LAMA2: variants seen among roughly 807,000 people sequenced by gnomAD.
The protein encoded by LAMA2 is laminin subunit alpha 2.
LAMA2 carries 269 observed loss-of-function variants against 364.8 expected under a neutral mutation model. That is an observed-to-expected ratio of 0.74 (90% CI 0.67 to 0.82). LAMA2 has a LOEUF of 0.82. Among genes scored for constraint, LAMA2 ranks in the 40% least tolerant of loss-of-function variants. LAMA2 has a pLI of 0.00. For missense variants in LAMA2, 3,807 were observed against 3,873.2 expected (o/e 0.98, Z 0.45); for synonymous variants, 1,379 against 1,370.6 (o/e 1.01, Z -0.14).
intron 1 of LAMA2, among the ~76,000 whole-genome samples, chr6:128,975,243 A>G (rs1782453822): frequency 6.6e-6 from 1 of 152,218 alleles, no homozygotes; most frequent in Admixed American, 6.5e-5. Context: ...ACCATATGGC[A>G]GAAAAACAAC....
chr6:129,174,591 G>C (rs1780446078), intron 9 of LAMA2, among the ~76,000 whole-genome samples: 1 of 152,010 alleles, frequency 6.6e-6, no homozygotes, highest in Non-Finnish European at 1.5e-5. Flanking sequence ...GAAGTTATGT[G>C]ATAATGACCT....
chr6:129,163,583 A>G (rs1171811215), intron 8 of LAMA2, among the ~76,000 whole-genome samples: 1 of 152,210 alleles, frequency 6.6e-6, no homozygotes, highest in African/African-American at 2.4e-5. Context: ...CAGTGGGTCA[A>G]GCTTGCACCA....
intron 40 of LAMA2, among the ~76,000 whole-genome samples, chr6:129,410,714 T>TTAGATAGA (rs36203052): frequency 0.021 from 3,136 of 150,374 alleles, 31 homozygotes; most frequent in Middle Eastern, 0.024. Context: ...GATAGACAGA[T>TTAGATAGA]TAGATAGATA....
intron 29 of LAMA2, among the ~76,000 whole-genome samples, chr6:129,341,546 T>G (rs1214464523): frequency 6.6e-6 from 1 of 152,206 alleles, no homozygotes; most frequent in Non-Finnish European, 1.5e-5. Context: ...TCAGGTGGTT[T>G]TTTTAAATTA....
intron 12 of LAMA2, among the ~76,000 whole-genome samples, chr6:129,241,169 G>A (rs1785374260): frequency 6.6e-6 from 1 of 152,150 alleles, no homozygotes; most frequent in Admixed American, 6.6e-5. Flanking sequence ...TTCTCTATGT[G>A]TAATACATTG....
At chr6:129,222,225 A>C (rs1783903673) in intron 12 of LAMA2, among the ~76,000 whole-genome samples, 1 of 152,118 alleles carries the variant, frequency 6.6e-6, no homozygotes, top group East Asian at 1.9e-4. Flanking sequence ...TCACGATTAG[A>C]CCAATGATGA....
Position 129,314,762 on chromosome 6 carries a change from C to G in LAMA2, c.3519C>G (p.Thr1173=). The G allele has an allele frequency of 6.2e-7, 1 of 1,613,988 alleles. No homozygotes were observed. Among genetic ancestry groups the G allele is most frequent in the Non-Finnish European group, 8.5e-7 (1 of 1,179,992 alleles). The change falls in exon 24 of 65, where the codon ACC becomes ACG. Residue 1173 remains threonine (T), a synonymous_variant. Coordinates refer to ENST00000421865, the MANE Select transcript of LAMA2 (RefSeq NM_000426.4). The part of the protein sequence containing the change: ...CSSCYCFGTT[T]QCSEAKGLIR... ...GCTGCTATTGCTTCGGCACTACTAC[C>G]CAGTGCTCTGAAGCAAAAGGACTGA...
intron 40 of LAMA2, among the ~76,000 whole-genome samples, chr6:129,412,211 T>G (rs984952908): frequency 6.6e-6 from 1 of 152,180 alleles, no homozygotes; most frequent in Non-Finnish European, 1.5e-5. Flanking sequence ...AGGTGAATAT[T>G]GCCGTCTTGA....
intron 55 of LAMA2, among the ~76,000 whole-genome samples, chr6:129,483,240 A>C (rs189315074): frequency 1.1e-4 from 16 of 151,994 alleles, no homozygotes; most frequent in Admixed American, 5.2e-4. Flanking sequence ...AAAAACTATA[A>C]CAAGTATTCC....
intron 34 of LAMA2, among the ~76,000 whole-genome samples, chr6:129,372,894 A>G (rs1020960149): frequency 2.6e-5 from 4 of 152,182 alleles, no homozygotes; most frequent in African/African-American, 9.6e-5. Flanking sequence ...CCTTAATGAC[A>G]TATGATGTCG....
intron 3 of LAMA2, among the ~76,000 whole-genome samples, chr6:129,086,842 G>C (rs1774414949): frequency 6.6e-6 from 1 of 152,134 alleles, no homozygotes; most frequent in Non-Finnish European, 1.5e-5. Flanking sequence ...TTTCTTTCTG[G>C]AGGCTCTAAG....
intron 32 of LAMA2, 91 bp downstream of exon 32, chr6:129,353,448 CTTT>C (rs878949960): frequency 3.1e-3 from 2,363 of 763,876 alleles, no homozygotes; most frequent in Middle Eastern, 5.0e-3. Context: ...CCCCGCCCGC[CTTT>C]TTTTTTTTTT....
intron 60 of LAMA2, 120 bp downstream of exon 60, chr6:129,503,400 A>AC: frequency 2.2e-6 from 2 of 907,916 alleles, no homozygotes; most frequent in Admixed American, 1.9e-5. Flanking sequence ...GAAGCTAAAA[A>AC]TAAAATAAGT....
At chr6:129,325,495 G>A (rs1583496955) in intron 28 of LAMA2, among the ~76,000 whole-genome samples, 1 of 149,624 alleles carries the variant, frequency 6.7e-6, no homozygotes, top group African/African-American at 2.5e-5. Context: ...TAAATTGAAA[G>A]AATAGTGCAA....
At chr6:129,100,114 T>TG (rs1775436324) in intron 4 of LAMA2, among the ~76,000 whole-genome samples, 1 of 152,238 alleles carries the variant, frequency 6.6e-6, no homozygotes, top group South Asian at 2.1e-4. Context: ...GTATGTAACA[T>TG]GCGTGTCACA....
intron 12 of LAMA2, among the ~76,000 whole-genome samples, chr6:129,194,279 T>C (rs1583222612): frequency 6.6e-6 from 1 of 152,178 alleles, no homozygotes; most frequent in East Asian, 1.9e-4. Flanking sequence ...AGAGGCCTTA[T>C]TTCTTATATG....
intron 1 of LAMA2, among the ~76,000 whole-genome samples, chr6:128,939,701 C>A (rs1470797411): frequency 2.0e-5 from 3 of 152,080 alleles, no homozygotes; most frequent in African/African-American, 4.8e-5. Flanking sequence ...CAATAAGAAG[C>A]AAATGCTCAA....
intron 40 of LAMA2, among the ~76,000 whole-genome samples, chr6:129,404,428 A>T (rs1562533665): frequency 6.6e-6 from 1 of 152,184 alleles, no homozygotes; most frequent in African/African-American, 2.4e-5. Flanking sequence ...GAATTAATGA[A>T]TTTTTATGAA....
At chr6:129,111,851 A>G (rs1036682717) in intron 4 of LAMA2, among the ~76,000 whole-genome samples, 1 of 152,018 alleles carries the variant, frequency 6.6e-6, no homozygotes, top group Non-Finnish European at 1.5e-5. Flanking sequence ...ATAATATTTT[A>G]TGCTAGTAAT....
Sources: allele counts gnomAD v4.1 joint callset (sites outside exome capture counted in the v4.1 genomes callset), GRCh38; gene constraint gnomAD v4.1.1; transcripts MANE v1.5; gene names NCBI Gene and HGNC (gene_info 2026-07-23, HGNC 2026-07-21).